Variants in RARB observed in about 807,000 individuals in gnomAD.
The protein encoded by RARB is retinoic acid receptor beta.
A neutral mutation model predicts 51.9 loss-of-function variants in RARB; 17 were observed. That is an observed-to-expected ratio of 0.33 (90% CI 0.22 to 0.49). RARB has a LOEUF of 0.49. Ranked by LOEUF, RARB falls within the 20% of genes least tolerant of loss-of-function variation. RARB has a pLI of 0.99. For missense variants in RARB, 369 were observed against 550.8 expected, an observed-to-expected ratio of 0.67 and a Z score of 3.30; for synonymous variants, 215 against 195.4, an observed-to-expected ratio of 1.10 and a Z score of -0.84.
chr3:24,889,908 G>GA (rs76271154), intron 2 of RARB, among the ~76,000 whole-genome samples: 1,372 of 112,896 alleles, frequency 0.012, 12 homozygotes, highest in African/African-American at 0.03. Flanking sequence ...GAGCAGGCAT[G>GA]AAAAAAAAAA....
At chr3:25,190,182 C>T (rs1311630216) in intron 5 of RARB, among the ~76,000 whole-genome samples, 1 of 126,482 alleles carries the variant, frequency 7.9e-6, no homozygotes, top group Non-Finnish European at 1.6e-5. Context: ...GGAAGGAGAC[C>T]AGTAGAAACA....
intron 2 of RARB, among the ~76,000 whole-genome samples, chr3:24,961,357 T>C (rs1170408779): frequency 6.6e-6 from 1 of 152,214 alleles, no homozygotes; most frequent in African/African-American, 2.4e-5. Flanking sequence ...GGAAGTAACA[T>C]TCACATTTTC....
chr3:25,264,386 G>A (rs1703077648), intron 5 of RARB, among the ~76,000 whole-genome samples: 1 of 151,970 alleles, frequency 6.6e-6, no homozygotes, highest in South Asian at 2.1e-4. Flanking sequence ...ATAAGGCAAA[G>A]GCTAAGACCC....
At chr3:25,070,045 A>T (rs993933741) in intron 3 of RARB, among the ~76,000 whole-genome samples, 9 of 152,194 alleles carry the variant, frequency 5.9e-5, no homozygotes, top group Admixed American at 2.0e-4. Context: ...TCTCTCTGAA[A>T]CCAGTGGTGG....
At chr3:24,999,095 A>G (rs1305338684) in intron 2 of RARB, among the ~76,000 whole-genome samples, 1 of 152,150 alleles carries the variant, frequency 6.6e-6, no homozygotes, top group East Asian at 1.9e-4. Flanking sequence ...TCTGCATGAC[A>G]TTAAGCTTCT....
intron 5 of RARB, among the ~76,000 whole-genome samples, chr3:25,581,432 C>T (rs148884394): frequency 1.3e-5 from 2 of 152,148 alleles, no homozygotes; most frequent in East Asian, 1.9e-4. Flanking sequence ...CTGAAGCCCC[C>T]ACCAGGGAAA....
intron 2 of RARB, among the ~76,000 whole-genome samples, chr3:25,045,003 G>A (rs1698184840): frequency 6.6e-6 from 1 of 152,100 alleles, no homozygotes; most frequent in African/African-American, 2.4e-5. Flanking sequence ...TGTTCTACTT[G>A]GAGGAATGGA....
chr3:25,213,085 T>C (rs1489806046), intron 5 of RARB, among the ~76,000 whole-genome samples: 1 of 152,164 alleles, frequency 6.6e-6, no homozygotes, highest in Non-Finnish European at 1.5e-5. Flanking sequence ...TTTTAACTGT[T>C]AAATGAAGCA....
chr3:24,886,428 T>G (rs2362777), intron 2 of RARB, among the ~76,000 whole-genome samples: 111,586 of 151,388 alleles, frequency 0.74, 42,179 homozygotes, highest in African/African-American at 0.89. Context: ...CCTCCCAGCA[T>G]AAAGTATCTG....
chr3:25,017,903 C>A (rs1233385444), intron 2 of RARB, among the ~76,000 whole-genome samples: 1 of 152,068 alleles, frequency 6.6e-6, no homozygotes, highest in Admixed American at 6.6e-5. Context: ...AAGGACAGAA[C>A]CCTTGTGAAT....
At chr3:25,336,027 GT>G (rs1457008422) in intron 5 of RARB, among the ~76,000 whole-genome samples, 3 of 150,014 alleles carry the variant, frequency 2.0e-5, no homozygotes, top group Admixed American at 2.0e-4. Flanking sequence ...TTCCTAATAG[GT>G]TTTTTTCAGT....
At chr3:25,049,667 G>A (rs1008195221) in intron 2 of RARB, among the ~76,000 whole-genome samples, 1 of 152,156 alleles carries the variant, frequency 6.6e-6, no homozygotes, top group East Asian at 1.9e-4. Flanking sequence ...GATATAAAGA[G>A]AATACATGAA....
intron 5 of RARB, among the ~76,000 whole-genome samples, chr3:25,197,962 C>G (rs1294258518): frequency 6.6e-6 from 1 of 151,844 alleles, no homozygotes; most frequent in Admixed American, 6.6e-5. Context: ...CACAAAAGAC[C>G]CAGAATAGCT....
chr3:24,919,728 C>T lies in RARB; in HGVS notation c.-380+60976C>T, dbSNP rs191639810. 6.6e-5 allele frequency among the ~76,000 whole-genome samples: 10 copies of T among 152,304 alleles called. No homozygotes were observed. The East Asian group carries it at 1.5e-3, about 24-fold the overall frequency. Reference sequence around the variant, plus strand: ...CTAAAAGGACCCAGAACAATGTGCTCTTCTAATTCCTTATCTGACTTCTAA... The same window carrying T: ...CTAAAAGGACCCAGAACAATGTGCTTTTCTAATTCCTTATCTGACTTCTAA... On this transcript the variant is annotated intron_variant, in intron 2 of 11. Coordinates refer to the RARB transcript ENST00000383772.
intron 5 of RARB, among the ~76,000 whole-genome samples, chr3:25,273,425 C>G (rs920638906): frequency 1.3e-5 from 2 of 152,096 alleles, no homozygotes; most frequent in South Asian, 4.1e-4. Flanking sequence ...CATTCTAATC[C>G]GGTTATGACG....
intron 2 of RARB, among the ~76,000 whole-genome samples, chr3:24,871,944 A>C (rs1702956344): frequency 6.6e-6 from 1 of 152,000 alleles, no homozygotes; most frequent in Non-Finnish European, 1.5e-5. Context: ...TTCCCCTATC[A>C]TCACCCTGGT....
chr3:25,574,538 C>T (rs1451355955), intron 4 of RARB, among the ~76,000 whole-genome samples: 1 of 152,192 alleles, frequency 6.6e-6, no homozygotes, highest in African/African-American at 2.4e-5. Context: ...GCCCCCACCC[C>T]CAGCTCGTGC....
At position 25,206,584 on chromosome 3, in the gene RARB, A is replaced by G. The variant is rs575701867; in HGVS notation, c.178+32009A>G. Among the ~76,000 whole-genome samples, 18 of 152,302 alleles carry G rather than the reference A, an allele frequency of 1.2e-4. 1 individual carries two copies. The highest frequency in any genetic ancestry group is 3.4e-3 in the Middle Eastern group (1 of 294). ...CCCATCTACCCATTTCAGATCATTT[A>G]TCTTTCTAAGCTTCCCGTGTGCTTG... On this transcript the variant is annotated intron_variant, in intron 5 of 11. Transcript: ENST00000383772.
intron 2 of RARB, among the ~76,000 whole-genome samples, chr3:24,947,137 A>G (rs1468907487): frequency 6.6e-6 from 1 of 152,216 alleles, no homozygotes; most frequent in Non-Finnish European, 1.5e-5. Context: ...ATATGTCTAC[A>G]CTGAGCCAAG....
Sources: allele counts gnomAD v4.1 joint callset (sites outside exome capture counted in the v4.1 genomes callset), GRCh38; gene constraint gnomAD v4.1.1; transcripts MANE v1.5; gene names NCBI Gene and HGNC (gene_info 2026-07-23, HGNC 2026-07-21).